PARD3: variants seen among roughly 807,000 people sequenced by gnomAD.
The protein encoded by PARD3 is par-3 family cell polarity regulator.
A neutral mutation model predicts 155.4 loss-of-function variants in PARD3; 75 were observed. That is an observed-to-expected ratio of 0.48 (90% CI 0.40 to 0.58). The LOEUF is 0.58. Ranked by LOEUF, PARD3 falls within the 20% of genes least tolerant of loss-of-function variation. The pLI is 0.00. For synonymous variants in PARD3, 576 were observed against 610.5 expected, an observed-to-expected ratio of 0.94 and a Z score of 0.83; for missense variants, 1,642 against 1,721.7, an observed-to-expected ratio of 0.95 and a Z score of 0.82.
chr10:34,803,201 T>C (rs1006703548), intron 1 of PARD3, among the ~76,000 whole-genome samples: 1 of 149,954 alleles, frequency 6.7e-6, no homozygotes, highest in Admixed American at 6.7e-5. Context: ...ATCAAACCAC[T>C]GCACTCCAGC....
intron 1 of PARD3, among the ~76,000 whole-genome samples, chr10:34,700,907 G>A (rs1208690540): frequency 3.3e-5 from 5 of 152,072 alleles, no homozygotes; most frequent in Admixed American, 2.6e-4. Flanking sequence ...CCTGGGAGGC[G>A]GAGGTTGCAG....
At chr10:34,597,871 A>C (rs1035943908) in intron 2 of PARD3, among the ~76,000 whole-genome samples, 4 of 152,146 alleles carry the variant, frequency 2.6e-5, no homozygotes, top group Admixed American at 2.6e-4. Context: ...ATTAAGCCTT[A>C]AATATCTGCT....
chr10:34,455,996 G>A (rs1429648496), intron 4 of PARD3, among the ~76,000 whole-genome samples: 1 of 152,052 alleles, frequency 6.6e-6, no homozygotes, highest in Non-Finnish European at 1.5e-5. Context: ...TTGCTAACAG[G>A]TTTCCCCCAC....
At chr10:34,714,024 A>G (rs907304348) in intron 1 of PARD3, among the ~76,000 whole-genome samples, 2 of 152,224 alleles carry the variant, frequency 1.3e-5, no homozygotes, top group Admixed American at 1.3e-4. Context: ...AGAAAGATCT[A>G]CCCTCTCCTG....
rs557002692 is a variant in PARD3 at position 34,727,789 on chromosome 10, A to G, written c.121-31370T>C. 9.2e-5 allele frequency among the ~76,000 whole-genome samples: 14 copies of G among 151,412 alleles called. No individual in the cohort carries two copies. In the South Asian group the frequency reaches 2.7e-3, roughly 29 times the overall value. ...AAGGTTTCCCTACTGCAGGTGAAAC[A>G]CAAGTATGCAACCCCCTCCCTCCAC... On this transcript the variant is annotated intron_variant, in intron 1 of 24. Coordinates refer to ENST00000374788, the MANE Select transcript of PARD3 (RefSeq NM_001184785.2).
intron 19 of PARD3, among the ~76,000 whole-genome samples, chr10:34,326,006 A>G (rs1202548473): frequency 1.3e-5 from 2 of 151,742 alleles, no homozygotes; most frequent in Non-Finnish European, 2.9e-5. Flanking sequence ...CTGTAATTCC[A>G]GTTACTTGGG....
chr10:34,269,582 A>T, intron 22 of PARD3, 75 bp downstream of exon 22: 1 of 1,512,332 alleles, frequency 6.6e-7, no homozygotes, highest in Non-Finnish European at 9.0e-7. Flanking sequence ...AGGATTGATG[A>T]ATGGTCTACT....
chr10:34,439,460 A>T (rs974175932), intron 5 of PARD3, among the ~76,000 whole-genome samples: 4 of 150,874 alleles, frequency 2.7e-5, no homozygotes, highest in Non-Finnish European at 4.4e-5. Flanking sequence ...ACATTTTTTA[A>T]TTTTTTTTTC....
chr10:34,719,065 T>C (rs554764306), intron 1 of PARD3, among the ~76,000 whole-genome samples: 1 of 152,350 alleles, frequency 6.6e-6, no homozygotes, highest in East Asian at 1.9e-4. Flanking sequence ...TGTGGTGTTG[T>C]CCTTATTCAT....
intron 19 of PARD3, among the ~76,000 whole-genome samples, chr10:34,320,666 CTT>C (rs1295806876): frequency 6.6e-5 from 10 of 152,166 alleles, no homozygotes; most frequent in Non-Finnish European, 1.5e-4. Context: ...TGTAACACAA[CTT>C]ATTTTCTAAA....
At chr10:34,715,657 A>T (rs1204248912) in intron 1 of PARD3, among the ~76,000 whole-genome samples, 1 of 152,204 alleles carries the variant, frequency 6.6e-6, no homozygotes, top group African/African-American at 2.4e-5. Flanking sequence ...CGTCTTGAAG[A>T]TGTGCATGTT....
chr10:34,406,919 T>C (rs982768035), intron 5 of PARD3, among the ~76,000 whole-genome samples: 22 of 152,066 alleles, frequency 1.4e-4, no homozygotes, highest in African/African-American at 5.1e-4. Flanking sequence ...ACACTGGCTA[T>C]TGACTGAAAT....
chr10:34,570,607 G>C (rs927203699), intron 2 of PARD3, among the ~76,000 whole-genome samples: 5 of 152,190 alleles, frequency 3.3e-5, no homozygotes, highest in Non-Finnish European at 7.3e-5. Context: ...GGGAATCTGG[G>C]TGCTCTTAAA....
At chr10:34,203,285 C>A (rs541396092) in intron 22 of PARD3, among the ~76,000 whole-genome samples, 1 of 152,174 alleles carries the variant, frequency 6.6e-6, no homozygotes, top group African/African-American at 2.4e-5. Context: ...GGATTAATCA[C>A]CCATAGCTCA....
Position 34,682,442 on chromosome 10 carries a change from G to A in PARD3, c.222+13876C>T, listed in dbSNP as rs138565274. Among the ~76,000 whole-genome samples the A allele has an allele frequency of 9.5e-4, 145 of 152,172 alleles. 1 individual carries two copies. The highest frequency in any genetic ancestry group is 3.4e-3 in the African/African-American group (141 of 41,504). On this transcript the variant is annotated intron_variant, in intron 2 of 24. Coordinates refer to ENST00000374788, the MANE Select transcript of PARD3 (RefSeq NM_001184785.2). ...TCTTACAACTATCTCTGGGTGCCAA[G>A]TATATACCATGCTCTCTATAAATTC...
At chr10:34,334,347 A>T (rs77797987) in intron 18 of PARD3, among the ~76,000 whole-genome samples, 1 of 38,966 alleles carries the variant, frequency 2.6e-5, no homozygotes, top group Non-Finnish European at 5.2e-5. Flanking sequence ...CCCTCTTGCC[A>T]AAAAAAAAAA....
chr10:34,771,754 C>T (rs1003267038), intron 1 of PARD3, among the ~76,000 whole-genome samples: 10 of 152,172 alleles, frequency 6.6e-5, no homozygotes, highest in South Asian at 2.1e-4. Flanking sequence ...CAGAAAAGAA[C>T]TGATCTGATA....
chr10:34,587,554 G>A (rs1222252680), intron 2 of PARD3, among the ~76,000 whole-genome samples: 1 of 152,166 alleles, frequency 6.6e-6, no homozygotes, highest in Admixed American at 6.5e-5. Context: ...ATTGGGCAGA[G>A]GAATTCATGT....
chr10:34,291,718 A>G (rs963841664), intron 20 of PARD3, among the ~76,000 whole-genome samples: 13 of 152,190 alleles, frequency 8.5e-5, no homozygotes, highest in South Asian at 4.1e-4. Context: ...GTGCTCTCAT[A>G]CTGAAAGTAG....
Sources: allele counts gnomAD v4.1 joint callset (sites outside exome capture counted in the v4.1 genomes callset), GRCh38; gene constraint gnomAD v4.1.1; transcripts MANE v1.5; gene names NCBI Gene and HGNC (gene_info 2026-07-23, HGNC 2026-07-21).